The following GNAO1 variants were observed in gnomAD, a reference collection of about 807,000 sequenced individuals.
GNAO1 encodes guanine nucleotide-binding protein G(o) subunit alpha.
For missense variants in GNAO1, 166 were observed against 478.7 expected (o/e 0.35, Z 6.10); for synonymous variants, 164 against 180.7 (o/e 0.91, Z 0.74).
At chr16:56,355,160 A>G in intron 8 of GNAO1, 79 bp downstream of exon 8, 1 of 498,734 alleles carries the variant, frequency 2.0e-6, no homozygotes. Flanking sequence ...ACACACCACT[A>G]ACAAATGCAA....
intron 3 of GNAO1, among the ~76,000 whole-genome samples, chr16:56,328,287 A>G (rs2037655454): frequency 1.3e-5 from 2 of 152,206 alleles, no homozygotes; most frequent in African/African-American, 4.8e-5. Flanking sequence ...GGTGGAGAGC[A>G]GAGCCAGGCC....
chr16:56,206,181 A>T (rs1262878374), intron 2 of GNAO1, among the ~76,000 whole-genome samples: 1 of 152,014 alleles, frequency 6.6e-6, no homozygotes, highest in Non-Finnish European at 1.5e-5. Context: ...TTAGCTGGGC[A>T]TGGTGGTGGG....
chr16:56,286,225 T>C (rs2037165279), intron 3 of GNAO1, among the ~76,000 whole-genome samples: 1 of 152,202 alleles, frequency 6.6e-6, no homozygotes, highest in South Asian at 2.1e-4. Context: ...CATCAGCTTC[T>C]GCTTTACTCA....
At chr16:56,328,565 C>T in intron 3 of GNAO1, 66 bp from the exon 4 acceptor site, 2 of 1,543,606 alleles carry the variant, frequency 1.3e-6, no homozygotes, top group Non-Finnish European at 1.8e-6. Flanking sequence ...GGGGAGAGCC[C>T]TTGGCTGGCA....
chr16:56,344,001 C>CT (rs750161348), intron 6 of GNAO1: 2 of 1,597,740 alleles, frequency 1.3e-6, no homozygotes, highest in Non-Finnish European at 8.5e-7. Flanking sequence ...GCCGCCCCCC[C>CT]TCCCCTGGAA....
At chr16:56,300,055 GCACA>G (rs2037330061) in intron 3 of GNAO1, among the ~76,000 whole-genome samples, 1 of 92,650 alleles carries the variant, frequency 1.1e-5, no homozygotes, top group Admixed American at 1.2e-4. Flanking sequence ...GCGCGCGCAC[GCACA>G]TGTGCTTGTG....
chr16:56,309,465 C>G (rs1037810215), intron 3 of GNAO1, among the ~76,000 whole-genome samples: 1 of 152,166 alleles, frequency 6.6e-6, no homozygotes, highest in African/African-American at 2.4e-5. Context: ...GGGGAGCCCA[C>G]CAGTGGGCTC....
At chr16:56,252,970 A>G (rs558880780) in intron 2 of GNAO1, among the ~76,000 whole-genome samples, 254 of 152,344 alleles carry the variant, frequency 1.7e-3, no homozygotes, top group African/African-American at 5.0e-3. Context: ...TGAGGCTGCA[A>G]TGGAACTTTG....
At chr16:56,268,832 A>C (rs2036984303) in intron 2 of GNAO1, among the ~76,000 whole-genome samples, 1 of 152,138 alleles carries the variant, frequency 6.6e-6, no homozygotes, top group Admixed American at 6.5e-5. Context: ...TCCTGTCCAG[A>C]TCCTGGTCTC....
chr16:56,200,601 T>C (rs2036274321), intron 2 of GNAO1, among the ~76,000 whole-genome samples: 1 of 152,224 alleles, frequency 6.6e-6, no homozygotes, highest in African/African-American at 2.4e-5. Flanking sequence ...TTTGTCTAAT[T>C]CTAAAACCTG....
At chr16:56,350,518 C>T (rs971124509) in intron 6 of GNAO1, among the ~76,000 whole-genome samples, 9 of 152,236 alleles carry the variant, frequency 5.9e-5, no homozygotes, top group African/African-American at 1.4e-4. Context: ...TGCCCCCGTT[C>T]GGCATCTGTG....
chr16:56,321,645 C>T (rs1430569798), intron 3 of GNAO1, among the ~76,000 whole-genome samples: 1 of 152,156 alleles, frequency 6.6e-6, no homozygotes, highest in Admixed American at 6.5e-5. Context: ...AAGGGTGCTT[C>T]ACTTCTGGGA....
chr16:56,247,442 G>T (rs2036757566), intron 2 of GNAO1, among the ~76,000 whole-genome samples: 1 of 149,262 alleles, frequency 6.7e-6, no homozygotes, highest in Non-Finnish European at 1.5e-5. Context: ...CTTTTCTCTT[G>T]CAGTGTATCT....
intron 2 of GNAO1, chr16:56,255,481 T>C (rs1289059201): frequency 1.3e-5 from 2 of 152,220 alleles, no homozygotes; most frequent in East Asian, 3.8e-4. Context: ...GTGTTTCAGA[T>C]GAGAAGTTCA....
At chr16:56,322,622 A>C (rs1280541585) in intron 3 of GNAO1, among the ~76,000 whole-genome samples, 2 of 151,770 alleles carry the variant, frequency 1.3e-5, no homozygotes, top group African/African-American at 4.8e-5. Flanking sequence ...TGGGCTGGGT[A>C]CCCGTTAGTT....
At chr16:56,225,410 G>A (rs1345597173) in intron 2 of GNAO1, among the ~76,000 whole-genome samples, 34 of 152,358 alleles carry the variant, frequency 2.2e-4, no homozygotes, top group Non-Finnish European at 1.5e-4. Flanking sequence ...TTTACTGCAG[G>A]TATGACTTGC....
chr16:56,340,727 G>A (rs1156501337), intron 6 of GNAO1: 4 of 972,984 alleles, frequency 4.1e-6, no homozygotes, highest in Non-Finnish European at 6.4e-6. Flanking sequence ...GGTGCATCCA[G>A]CCACATTGGT....
At chr16:56,348,336 A>G (rs2037892181) in intron 6 of GNAO1, 1 of 247,728 alleles carries the variant, frequency 4.0e-6, no homozygotes, top group Non-Finnish European at 6.4e-6. Flanking sequence ...CCTGCTGGGG[A>G]CAGAGGATCA....
intron 3 of GNAO1, among the ~76,000 whole-genome samples, chr16:56,290,873 T>C (rs2037224864): frequency 6.6e-6 from 1 of 152,218 alleles, no homozygotes; most frequent in South Asian, 2.1e-4. Flanking sequence ...ATTCTGGACA[T>C]TTTATATAAA....
Sources: allele counts gnomAD v4.1 joint callset (sites outside exome capture counted in the v4.1 genomes callset), GRCh38; gene constraint gnomAD v4.1.1; transcripts MANE v1.5; gene names NCBI Gene and HGNC (gene_info 2026-07-23, HGNC 2026-07-21).